ART4: variants seen among roughly 807,000 people sequenced by gnomAD.
The protein encoded by ART4 is ADP-ribosyltransferase 4 (inactive) (Dombrock blood group), also known as ecto-ADP-ribosyltransferase 4.
ART4 carries 14 observed loss-of-function variants against 24.2 expected under a neutral mutation model. That is an observed-to-expected ratio of 0.58 (90% CI 0.38 to 0.90). The LOEUF is 0.90. ART4 is among the 40% of genes least tolerant of loss of function. ART4 has a pLI of 0.00. For synonymous variants in ART4, 145 were observed against 139.9 expected (o/e 1.04, Z -0.26); for missense variants, 356 against 366.6 (o/e 0.97, Z 0.24).
At position 14,833,688 on chromosome 12, in the gene ART4, A is replaced by G. The variant is rs1325973381; in HGVS notation, c.854-4226T>C. On this transcript the variant is annotated intron_variant, in intron 2 of 2. Transcript: ENST00000228936. ...CTGGAAGAAATACATAATGATTATA[A>G]CTTTTATTTCATGAAGTCTGAATCT... 3.3e-5 allele frequency among the ~76,000 whole-genome samples: 5 copies of G among 152,188 alleles called. No homozygotes were observed. In the East Asian group the frequency reaches 9.6e-4, roughly 29 times the overall value.
intron 2 of ART4, among the ~76,000 whole-genome samples, chr12:14,835,642 G>T (rs1289893204): frequency 2.7e-5 from 4 of 149,730 alleles, no homozygotes; most frequent in African/African-American, 9.9e-5. Context: ...GTCTCATTCT[G>T]TTGCCCAGGC....
At chr12:14,837,512 T>C (rs1347529803) in intron 2 of ART4, among the ~76,000 whole-genome samples, 1 of 152,150 alleles carries the variant, frequency 6.6e-6, no homozygotes, top group Non-Finnish European at 1.5e-5. Context: ...TAAATAATTT[T>C]ATTTATTTAT....
chr12:14,837,821 T>A (rs1030829678), intron 2 of ART4, among the ~76,000 whole-genome samples: 15 of 152,132 alleles, frequency 9.9e-5, no homozygotes, highest in Non-Finnish European at 1.8e-4. Flanking sequence ...GGCCAATAAT[T>A]TTACATTTTA....
intron 2 of ART4, among the ~76,000 whole-genome samples, chr12:14,837,275 C>G (rs1592250088): frequency 1.3e-5 from 2 of 152,290 alleles, no homozygotes; most frequent in Middle Eastern, 3.4e-3. Flanking sequence ...TTACTTTTGA[C>G]TAGGGGTTGA....
At chr12:14,839,176 C>T (rs960364510) in intron 2 of ART4, among the ~76,000 whole-genome samples, 1 of 152,058 alleles carries the variant, frequency 6.6e-6, no homozygotes, top group Non-Finnish European at 1.5e-5. Flanking sequence ...TTAAAAGGTC[C>T]TTAGCATGAA....
chr12:14,841,486 TTC>T (rs1732290667), intron 1 of ART4, among the ~76,000 whole-genome samples: 1 of 152,222 alleles, frequency 6.6e-6, no homozygotes, highest in African/African-American at 2.4e-5. Flanking sequence ...TAATTACACT[TTC>T]TGTTTCCTCT....
At chr12:14,835,428 T>A (rs1950423415) in intron 2 of ART4, among the ~76,000 whole-genome samples, 1 of 152,158 alleles carries the variant, frequency 6.6e-6, no homozygotes, top group Admixed American at 6.5e-5. Context: ...ATTGTTCATG[T>A]ATGGCTCAGT....
chr12:14,835,783 T>G (rs2137301097), intron 2 of ART4, among the ~76,000 whole-genome samples: 1 of 152,232 alleles, frequency 6.6e-6, no homozygotes, highest in Admixed American at 6.5e-5. Context: ...TTTTTGTATT[T>G]TTAGTAGAGA....
chr12:14,830,533 A>G (rs1448856893), intron 2 of ART4, among the ~76,000 whole-genome samples: 1 of 66,800 alleles, frequency 1.5e-5, no homozygotes, highest in Non-Finnish European at 2.8e-5. Flanking sequence ...ATTTCTATAT[A>G]GGAGTGTGTG....
intron 1 of ART4, 26 bp from the exon 2 acceptor site, chr12:14,841,179 T>A: frequency 6.4e-7 from 1 of 1,552,310 alleles, no homozygotes; most frequent in Non-Finnish European, 8.7e-7. Context: ...AATCTTGAGT[T>A]TAATTTTTCA....
chr12:14,842,327 G>A (rs964749235), intron 1 of ART4, among the ~76,000 whole-genome samples: 2 of 152,068 alleles, frequency 1.3e-5, no homozygotes, highest in African/African-American at 2.4e-5. Flanking sequence ...CATCCCATTT[G>A]GTATTTTTAC....
chr12:14,833,257 T>G (rs1252745210), intron 2 of ART4, among the ~76,000 whole-genome samples: 1 of 152,152 alleles, frequency 6.6e-6, no homozygotes, highest in Non-Finnish European at 1.5e-5. Flanking sequence ...TATGTGTGTA[T>G]TTGCATATTT....
Position 14,830,661 on chromosome 12 carries a change from A to G in ART4, c.854-1199T>C, listed in dbSNP as rs1165237670. ...GTACTGTATGTATGTATATATATAT[A>G]TATATATATATATATATATATATAT... is the stretch of plus-strand genomic sequence containing the variant. On this transcript the variant is annotated intron_variant, in intron 2 of 2. Coordinates refer to ENST00000228936, the MANE Select transcript of ART4 (RefSeq NM_021071.4). Among the ~76,000 whole-genome samples the G allele has an allele frequency of 2.8e-3, 215 of 78,118 alleles. 4 individuals are homozygous for G. Among genetic ancestry groups the G allele is most frequent in the South Asian group, 6.0e-3 (15 of 2,518 alleles). The allele number at this position is 78,118 out of a possible 152,430, so 51.2% of individuals were successfully genotyped here.
At chr12:14,840,334 G>A (rs2137304210) in intron 2 of ART4, 111 bp downstream of exon 2, 1 of 873,578 alleles carries the variant, frequency 1.1e-6, no homozygotes, top group East Asian at 2.6e-5. Flanking sequence ...ATTACCGAAG[G>A]CTAGTTTTCA....
chr12:14,842,473 C>T (rs368877526), intron 1 of ART4, among the ~76,000 whole-genome samples: 15 of 152,212 alleles, frequency 9.9e-5, no homozygotes, highest in African/African-American at 3.1e-4. Flanking sequence ...TAAGCCAAGC[C>T]GAGCCAAACC....
intron 2 of ART4, among the ~76,000 whole-genome samples, chr12:14,829,787 C>T (rs1032533423): frequency 6.6e-6 from 1 of 152,140 alleles, no homozygotes; most frequent in Admixed American, 6.5e-5. Context: ...ATCTTCATCA[C>T]CATTATGAAA....
intron 2 of ART4, among the ~76,000 whole-genome samples, chr12:14,837,576 T>C (rs976514196): frequency 1.3e-4 from 20 of 152,174 alleles, no homozygotes; most frequent in African/African-American, 4.6e-4. Flanking sequence ...TGCAGTGGCA[T>C]GATTTCAGCT....
At chr12:14,839,534 T>C (rs1447340719) in intron 2 of ART4, among the ~76,000 whole-genome samples, 5 of 152,150 alleles carry the variant, frequency 3.3e-5, no homozygotes, top group African/African-American at 1.2e-4. Flanking sequence ...GAGAAGTTGG[T>C]ACACAAGACA....
intron 2 of ART4, among the ~76,000 whole-genome samples, chr12:14,834,193 A>G (rs1357655635): frequency 6.6e-6 from 1 of 152,158 alleles, no homozygotes; most frequent in Non-Finnish European, 1.5e-5. Flanking sequence ...AAGTTTATTC[A>G]CTTTCCACCA....
Sources: gnomAD v4.1 joint callset for allele counts (sites outside exome capture counted in the v4.1 genomes callset) on GRCh38, gnomAD v4.1.1 for gene constraint, MANE v1.5 for transcripts, NCBI Gene and HGNC (gene_info 2026-07-23, HGNC 2026-07-21) for gene names.